The following NCAM2 variants were observed in gnomAD, a reference collection of about 807,000 sequenced individuals.
NCAM2 encodes neural cell adhesion molecule 2, also known as N-CAM-2.
A neutral mutation model predicts 98.1 loss-of-function variants in NCAM2; 30 were observed. The observed-to-expected ratio is 0.31, with a 90% CI of 0.23 to 0.41. NCAM2 has a LOEUF of 0.41. NCAM2 is among the 10% of genes least tolerant of loss of function. The pLI, the probability that NCAM2 is intolerant of heterozygous loss-of-function variation, is 1.00. For missense variants in NCAM2, 867 were observed against 1,005.8 expected, an observed-to-expected ratio of 0.86 and a Z score of 1.87; for synonymous variants, 368 against 342.4, an observed-to-expected ratio of 1.07 and a Z score of -0.83.
At chr21:21,366,759 A>G (rs1382650885) in intron 8 of NCAM2, among the ~76,000 whole-genome samples, 1 of 152,064 alleles carries the variant, frequency 6.6e-6, no homozygotes, top group Admixed American at 6.6e-5. Context: ...GTGTCATCAA[A>G]TCCCATGTAT....
At chr21:21,213,778 G>T in intron 1 of NCAM2, among the ~76,000 whole-genome samples, 1 of 151,978 alleles carries the variant, frequency 6.6e-6, no homozygotes, top group East Asian at 1.9e-4. Context: ...TATACTCCAA[G>T]TACTTATAAA....
At chr21:21,194,840 T>C (rs1281248960) in intron 1 of NCAM2, among the ~76,000 whole-genome samples, 1 of 152,198 alleles carries the variant, frequency 6.6e-6, no homozygotes, top group East Asian at 1.9e-4. Flanking sequence ...ACTCATGTTG[T>C]ACATAAGAAT....
At chr21:21,408,905 G>T (rs1049626647) in intron 9 of NCAM2, among the ~76,000 whole-genome samples, 1 of 151,340 alleles carries the variant, frequency 6.6e-6, no homozygotes, top group Non-Finnish European at 1.5e-5. Flanking sequence ...TTCTGCATTT[G>T]TACTACAGAT....
At position 21,495,152 on chromosome 21, in the gene NCAM2, CAAAT is replaced by C. The variant is rs567214521; in HGVS notation, c.2078-13693_2078-13690del. Among the ~76,000 whole-genome samples the C allele has an allele frequency of 2.0e-3, 304 of 151,634 alleles. 1 individual carries two copies. The highest frequency in any genetic ancestry group is 7.0e-3 in the African/African-American group (288 of 41,402). On this transcript the variant is annotated intron_variant, in intron 15 of 17. Transcript: ENST00000400546. ...TGGGGGGCTACTTAAAATTCCATTCCAAATAAATATATAGAGAATAGTTATACAT... is the reference window on the plus strand; with the variant it reads ...TGGGGGGCTACTTAAAATTCCATTCCAAATATATAGAGAATAGTTATACAT...
chr21:21,249,245 T>G (rs1426643397), intron 1 of NCAM2, among the ~76,000 whole-genome samples: 1 of 152,180 alleles, frequency 6.6e-6, no homozygotes, highest in African/African-American at 2.4e-5. Context: ...GGAAAATGAT[T>G]AGAGTGATTA....
At chr21:21,147,813 CTGTT>C (rs2067330208) in intron 1 of NCAM2, among the ~76,000 whole-genome samples, 1 of 135,152 alleles carries the variant, frequency 7.4e-6, no homozygotes, top group Non-Finnish European at 1.6e-5. Context: ...ATATATATAT[CTGTT>C]GATATGTTTA....
intron 1 of NCAM2, among the ~76,000 whole-genome samples, chr21:21,001,713 C>T (rs2064021882): frequency 6.6e-6 from 1 of 152,082 alleles, no homozygotes; most frequent in African/African-American, 2.4e-5. Flanking sequence ...TATACTAAAA[C>T]CTAAAGTAAG....
intron 12 of NCAM2, among the ~76,000 whole-genome samples, chr21:21,442,672 G>T (rs1979476684): frequency 6.6e-6 from 1 of 151,874 alleles, no homozygotes; most frequent in Non-Finnish European, 1.5e-5. Flanking sequence ...ATGCAGAGAG[G>T]GGAAAGAAAA....
At chr21:21,270,699 C>A (rs2072463442) in intron 1 of NCAM2, among the ~76,000 whole-genome samples, 1 of 151,946 alleles carries the variant, frequency 6.6e-6, no homozygotes, top group South Asian at 2.1e-4. Context: ...GTAGCGTAAG[C>A]CTCCTTTCAT....
intron 5 of NCAM2, among the ~76,000 whole-genome samples, chr21:21,293,423 G>A (rs1484503402): frequency 1.3e-5 from 2 of 151,284 alleles, no homozygotes; most frequent in African/African-American, 4.9e-5. Flanking sequence ...AAATCAAAAC[G>A]ACTTTTCATG....
intron 1 of NCAM2, among the ~76,000 whole-genome samples, chr21:21,093,392 C>T (rs1046165009): frequency 1.3e-5 from 2 of 152,062 alleles, no homozygotes; most frequent in South Asian, 2.1e-4. Flanking sequence ...TCAAACCTCT[C>T]GTCTTCTAAC....
chr21:21,215,772 A>G (rs1270775951), intron 1 of NCAM2, among the ~76,000 whole-genome samples: 2 of 151,990 alleles, frequency 1.3e-5, no homozygotes, highest in Non-Finnish European at 2.9e-5. Flanking sequence ...GTGTGTGTGT[A>G]TGTACATGCA....
intron 1 of NCAM2, among the ~76,000 whole-genome samples, chr21:21,272,190 G>A (rs896966031): frequency 2.6e-5 from 4 of 152,144 alleles, no homozygotes; most frequent in African/African-American, 9.7e-5. Flanking sequence ...ATATTAGACT[G>A]CCATAGTCCA....
chr21:21,230,153 C>A, intron 1 of NCAM2, among the ~76,000 whole-genome samples: 1 of 150,608 alleles, frequency 6.6e-6, no homozygotes. Flanking sequence ...TCCTGAAATG[C>A]CATTTGTTTG....
At position 21,140,824 on chromosome 21, in the gene NCAM2, G is replaced by T. The variant is rs567344022; in HGVS notation, c.56-139754G>T. Among the ~76,000 whole-genome samples, 4 of 152,214 alleles carry T rather than the reference G, an allele frequency of 2.6e-5. No homozygotes were observed. In the East Asian group the frequency reaches 7.7e-4, roughly 29 times the overall value. On this transcript the variant is annotated intron_variant, in intron 1 of 17. Transcript: ENST00000400546. ...AAAATGAACACTAGTGAAATTTGAG[G>T]AGTCAAATTAATTCATTGATAAAAA... is the stretch of plus-strand genomic sequence containing the variant.
rs548093741 is a variant in NCAM2 at position 21,430,394 on chromosome 21, T to TTATATATATATATATA, written c.1481-1705_1481-1704insATATATATATATATAT. 2.1e-4 allele frequency among the ~76,000 whole-genome samples: 26 copies of TTATATATATATATATA among 125,026 alleles called. 1 individual carries two copies. The East Asian group carries it at 4.3e-3, about 20-fold the overall frequency. 82.0% of individuals were successfully genotyped at this position (125,026 alleles called of 152,430 possible). A position where few individuals can be genotyped will look rare whatever the true frequency, so the allele number is the denominator to read the frequency against. The stretch of plus-strand genomic sequence containing the variant: ...TGTACTGCATATTTATCAGTCAAGT[T>TTATATATATATATATA]TATATATATTAGCCCATTCTCACAC... On this transcript the variant is annotated intron_variant, in intron 11 of 17. Transcript: ENST00000400546.
At chr21:21,232,836 A>G (rs2070682806) in intron 1 of NCAM2, among the ~76,000 whole-genome samples, 1 of 151,660 alleles carries the variant, frequency 6.6e-6, no homozygotes, top group African/African-American at 2.4e-5. Flanking sequence ...TATTTGACCC[A>G]GACTTAAAAA....
At chr21:21,204,345 A>G (rs990781314) in intron 1 of NCAM2, among the ~76,000 whole-genome samples, 1 of 151,968 alleles carries the variant, frequency 6.6e-6, no homozygotes, top group African/African-American at 2.4e-5. Flanking sequence ...TTATGTGGTC[A>G]TATTTTATTT....
At chr21:21,212,339 G>A (rs1248053575) in intron 1 of NCAM2, among the ~76,000 whole-genome samples, 3 of 152,260 alleles carry the variant, frequency 2.0e-5, no homozygotes, top group Admixed American at 6.5e-5. Context: ...TGTTTCAAAT[G>A]GTAACATTTA....
Sources: allele counts gnomAD v4.1 joint callset (sites outside exome capture counted in the v4.1 genomes callset), GRCh38; gene constraint gnomAD v4.1.1; transcripts MANE v1.5; gene names NCBI Gene and HGNC (gene_info 2026-07-23, HGNC 2026-07-21).